The following TRMT9B variants were observed in gnomAD, a reference collection of about 807,000 sequenced individuals.
TRMT9B encodes the protein probable tRNA methyltransferase 9B.
A neutral mutation model predicts 11.5 loss-of-function variants in TRMT9B; 16 were observed. The observed-to-expected ratio is 1.39, with a 90% confidence interval of 0.94 to 2.11. TRMT9B has a LOEUF of 2.11. Ranked by LOEUF, TRMT9B falls within the 30% of genes most tolerant of loss-of-function variation. The pLI, the probability that TRMT9B is intolerant of heterozygous loss-of-function variation, is 0.00. For missense variants in TRMT9B, 941 were observed against 553.8 expected (o/e 1.70, Z -7.02); for synonymous variants, 274 against 192.4 (o/e 1.42, Z -3.51).
At chr8:13,005,630 T>C (rs1018591360) in intron 2 of TRMT9B, among the ~76,000 whole-genome samples, 12 of 152,140 alleles carry the variant, frequency 7.9e-5, no homozygotes, top group African/African-American at 9.7e-5. Context: ...TTTACAAAAA[T>C]AATTATGACG....
At chr8:13,013,964 A>G (rs958833885) in intron 4 of TRMT9B, among the ~76,000 whole-genome samples, 1 of 152,232 alleles carries the variant, frequency 6.6e-6, no homozygotes, top group Admixed American at 6.5e-5. Flanking sequence ...AATAAAAAAA[A>G]TAAAAACTAT....
At chr8:12,995,039 C>G (rs542471320) in intron 2 of TRMT9B, among the ~76,000 whole-genome samples, 2 of 152,202 alleles carry the variant, frequency 1.3e-5, no homozygotes, top group African/African-American at 2.4e-5. Context: ...AGGCGCAGCT[C>G]CCGACTTCTC....
intron 4 of TRMT9B, among the ~76,000 whole-genome samples, chr8:13,019,076 A>T (rs1423872862): frequency 6.6e-6 from 1 of 152,200 alleles, no homozygotes; most frequent in East Asian, 1.9e-4. Flanking sequence ...AATGACCATG[A>T]AAGTCTGGAG....
At chr8:12,949,577 AT>A (rs1418073112) in intron 1 of TRMT9B, among the ~76,000 whole-genome samples, 1 of 151,924 alleles carries the variant, frequency 6.6e-6, no homozygotes, top group Non-Finnish European at 1.5e-5. Flanking sequence ...AAATCTCTTT[AT>A]TTTTCTACCT....
chr8:12,946,935 G>T, intron 1 of TRMT9B, among the ~76,000 whole-genome samples: 1 of 152,162 alleles, frequency 6.6e-6, no homozygotes, highest in Non-Finnish European at 1.5e-5. Flanking sequence ...CAGTTCCTTG[G>T]ATAAAGGCAG....
chr8:12,962,943 G>C (rs1802325848), intron 1 of TRMT9B, among the ~76,000 whole-genome samples: 1 of 152,174 alleles, frequency 6.6e-6, no homozygotes, highest in South Asian at 2.1e-4. Context: ...GGTAGGGCTT[G>C]TCAACTTAAT....
In TRMT9B at chr8:12,985,820, C is replaced by G. The variant is rs549933902; in HGVS notation, c.-199-5014C>G. On this transcript the variant is annotated intron_variant, in intron 1 of 4. Coordinates refer to ENST00000524591, the MANE Select transcript of TRMT9B (RefSeq NM_020844.3). ...GTATTCTCTTTTGATTTAATAAACT[C>G]TAATGTCCCTAATGGGCTATGTACT... Among the ~76,000 whole-genome samples the G allele has an allele frequency of 3.0e-3, 454 of 152,146 alleles. 2 individuals are homozygous for G. The highest frequency in any genetic ancestry group is 6.8e-3 in the Middle Eastern group (2 of 294).
intron 1 of TRMT9B, among the ~76,000 whole-genome samples, chr8:12,954,763 A>C (rs748974418): frequency 2.6e-5 from 4 of 152,234 alleles, no homozygotes; most frequent in Non-Finnish European, 5.9e-5. Context: ...CCTTGCATAG[A>C]ACTCCTAGCT....
intron 2 of TRMT9B, among the ~76,000 whole-genome samples, chr8:12,999,725 T>C (rs1238531819): frequency 6.6e-6 from 1 of 152,194 alleles, no homozygotes; most frequent in Non-Finnish European, 1.5e-5. Context: ...GCCATTATAA[T>C]ACTTTACAGC....
At chr8:12,990,186 G>A (rs1441490581) in intron 1 of TRMT9B, among the ~76,000 whole-genome samples, 1 of 152,156 alleles carries the variant, frequency 6.6e-6, no homozygotes, top group Non-Finnish European at 1.5e-5. Context: ...CTTAGATTAT[G>A]GTCCATTCAC....
intron 1 of TRMT9B, among the ~76,000 whole-genome samples, chr8:12,982,143 C>T (rs559896198): frequency 2.0e-5 from 3 of 152,246 alleles, no homozygotes; most frequent in South Asian, 4.1e-4. Context: ...TCAGCTGGTC[C>T]CTCTAGTTCT....
intron 4 of TRMT9B, among the ~76,000 whole-genome samples, chr8:13,016,629 T>C (rs2460335): frequency 0.42 from 63,726 of 151,042 alleles, 13,973 homozygotes; most frequent in East Asian, 0.61. Flanking sequence ...GAAAAAGAAA[T>C]ATTGTTGTAC....
chr8:13,012,831 G>A lies in TRMT9B; in HGVS notation c.302G>A (p.Gly101Asp), dbSNP rs1460927959. Residue 101 changes from glycine to aspartate, a missense_variant, in exon 4 of 5, where the codon GGC (glycine) becomes GAC (aspartate). Transcript: ENST00000524591. Reference protein sequence around the residue: ...DNLNLPFRDEGFDAIISIGVI... With the variant: ...DNLNLPFRDEDFDAIISIGVI... Reference sequence around the variant, plus strand: ...CTTAATCTCCCCTTTAGGGATGAGGGCTTCGATGCCATCATCTCCATAGGA... The same window carrying A: ...CTTAATCTCCCCTTTAGGGATGAGGACTTCGATGCCATCATCTCCATAGGA... 6.2e-7 allele frequency: 1 copy of A among 1,613,850 alleles called. No individual in the cohort carries two copies. The highest frequency in any genetic ancestry group is 1.7e-5 in the Admixed American group (1 of 60,016).
intron 2 of TRMT9B, among the ~76,000 whole-genome samples, chr8:12,991,841 G>A (rs1464196846): frequency 1.3e-5 from 2 of 152,148 alleles, no homozygotes; most frequent in Non-Finnish European, 2.9e-5. Flanking sequence ...TGGGTTAGGA[G>A]AATTGCTTGA....
chr8:12,983,708 C>T (rs1805789117), intron 1 of TRMT9B, among the ~76,000 whole-genome samples: 1 of 152,248 alleles, frequency 6.6e-6, no homozygotes, highest in African/African-American at 2.4e-5. Context: ...AGCAGAATGT[C>T]TCCTCATCCC....
chr8:12,997,321 C>A (rs1037703682), intron 2 of TRMT9B, among the ~76,000 whole-genome samples: 1 of 152,084 alleles, frequency 6.6e-6, no homozygotes, highest in East Asian at 1.9e-4. Context: ...CCTGGCATCT[C>A]CTCCCCTCTC....
intron 2 of TRMT9B, among the ~76,000 whole-genome samples, chr8:12,999,243 G>C (rs7826717): frequency 6.8e-6 from 1 of 146,302 alleles, no homozygotes; most frequent in African/African-American, 2.5e-5. Context: ...AGGTTGCAGT[G>C]AGCCAAGATC....
chr8:12,979,030 A>G (rs961871055), intron 1 of TRMT9B, among the ~76,000 whole-genome samples: 5 of 152,154 alleles, frequency 3.3e-5, no homozygotes, highest in Non-Finnish European at 7.3e-5. Context: ...AACATGCAGG[A>G]AAGTGGCCAG....
intron 1 of TRMT9B, among the ~76,000 whole-genome samples, chr8:12,966,323 A>G (rs987571955): frequency 1.3e-5 from 2 of 152,226 alleles, no homozygotes; most frequent in South Asian, 2.1e-4. Flanking sequence ...AGATACAACC[A>G]TGTGCCATTT....
Sources: gnomAD v4.1 joint callset for allele counts (sites outside exome capture counted in the v4.1 genomes callset) on GRCh38, gnomAD v4.1.1 for gene constraint, MANE v1.5 for transcripts, NCBI Gene and HGNC (gene_info 2026-07-23, HGNC 2026-07-21) for gene names.